The following PPP1R12B variants were observed in gnomAD, a reference collection of about 807,000 sequenced individuals.
The protein encoded by PPP1R12B is protein phosphatase 1 regulatory subunit 12B.
PPP1R12B carries 76 observed loss-of-function variants against 126.1 expected under a neutral mutation model. The observed-to-expected ratio is 0.60, with a 90% CI of 0.50 to 0.73. The LOEUF is 0.73. PPP1R12B is among the 30% of genes least tolerant of loss of function. PPP1R12B has a pLI of 0.00. For missense variants in PPP1R12B, 1,052 were observed against 1,205.1 expected (o/e 0.87, Z 1.88); for synonymous variants, 356 against 434.7 (o/e 0.82, Z 2.25).
intron 1 of PPP1R12B, among the ~76,000 whole-genome samples, chr1:202,353,828 A>G (rs1482219190): frequency 6.6e-6 from 1 of 151,992 alleles, no homozygotes; most frequent in South Asian, 2.1e-4. Flanking sequence ...GCCAGGGCTG[A>G]TCTTGAACTC....
chr1:202,428,051 T>TTC (rs1553281533), intron 5 of PPP1R12B, among the ~76,000 whole-genome samples: 1 of 151,688 alleles, frequency 6.6e-6, no homozygotes, highest in Non-Finnish European at 1.5e-5. Flanking sequence ...CTCAAGTGAT[T>TTC]CCCAGCCTTG....
Position 202,508,218 on chromosome 1 carries a change from T to C in PPP1R12B, c.2490+11396T>C, listed in dbSNP as rs1176044293. Among the ~76,000 whole-genome samples, 1 of 152,196 alleles carries C rather than the reference T, an allele frequency of 6.6e-6. No individual in the cohort carries two copies. The highest frequency in any genetic ancestry group is 6.5e-5 in the Admixed American group (1 of 15,270). ...GATAGCAGCCATTTAGTGACATGAA[T>C]CTCTTCGTAGAGAAACCATAGTTTT... On this transcript the variant is annotated intron_variant, in intron 18 of 23. Coordinates refer to ENST00000608999, the MANE Select transcript of PPP1R12B (RefSeq NM_002481.4). The surrounding 1 kb of genome is among the most constrained non-coding windows in gnomAD (Gnocchi z 4.5).
intron 18 of PPP1R12B, among the ~76,000 whole-genome samples, chr1:202,534,563 CTTT>C (rs34606007): frequency 4.6e-4 from 61 of 132,924 alleles, no homozygotes; most frequent in Middle Eastern, 7.5e-3. Context: ...CTAGCTTTCC[CTTT>C]TTTTTTTTTT....
At chr1:202,468,054 C>T (rs1029784105) in intron 13 of PPP1R12B, among the ~76,000 whole-genome samples, 11 of 152,152 alleles carry the variant, frequency 7.2e-5, no homozygotes, top group Admixed American at 1.3e-4. Flanking sequence ...ATCCTTTGCC[C>T]ACTTTTTGAT....
chr1:202,436,736 A>ATTT (rs1670871050), intron 9 of PPP1R12B, among the ~76,000 whole-genome samples: 7 of 152,220 alleles, frequency 4.6e-5, no homozygotes, highest in Admixed American at 3.9e-4. Context: ...TTCATTTTTA[A>ATTT]CAAAATTGTG....
rs71142528 is a variant in PPP1R12B, at chr1:202,381,434, G to GTGTGTGTGTGTGTGTGTGTGTGTGTA, written c.291+32295_291+32296insGTGTGTGTGTGTGTGTGTGTGTATGT. ...TGTGTGTGTGTGTGTGTGTGTGTGTGTGTATCATCCCTCAACTGCCTCCTC... is the reference window on the plus strand; with the variant it reads ...TGTGTGTGTGTGTGTGTGTGTGTGTGTGTGTGTGTGTGTGTGTGTGTGTGTATGTATCATCCCTCAACTGCCTCCTC... On this transcript the variant is annotated intron_variant, in intron 1 of 23. Transcript: ENST00000608999. Among the ~76,000 whole-genome samples, 1,032 of 131,176 alleles carry GTGTGTGTGTGTGTGTGTGTGTGTGTA rather than the reference G, an allele frequency of 7.9e-3. 48 individuals are homozygous for GTGTGTGTGTGTGTGTGTGTGTGTGTA. Among genetic ancestry groups the GTGTGTGTGTGTGTGTGTGTGTGTGTA allele is most frequent in the African/African-American group, 0.01 (344 of 33,354 alleles). The allele number at this position is 131,176 out of a possible 152,430, so 86.1% of individuals were successfully genotyped here.
Position 202,446,256 on chromosome 1 carries a change from A to ATATATATTT in PPP1R12B, c.1668-2732_1668-2731insATATATTTT, listed in dbSNP as rs376183502. 9.4e-4 allele frequency among the ~76,000 whole-genome samples: 51 copies of ATATATATTT among 54,334 alleles called. 1 individual carries two copies. Among genetic ancestry groups the ATATATATTT allele is most frequent in the East Asian group, 6.3e-3 (8 of 1,262 alleles). The allele number at this position is 54,334 out of a possible 152,430, so 35.6% of individuals were successfully genotyped here. A position where few individuals can be genotyped will look rare whatever the true frequency, so the allele number is the denominator to read the frequency against. Reference sequence around the variant, plus strand: ...TCTCTCTATATATATATATATATATATTTTTTTTTTTTTTTGAGATGGAAT... The same window carrying ATATATATTT: ...TCTCTCTATATATATATATATATATATATATATTTTTTTTTTTTTTTTTTGAGATGGAAT... On this transcript the variant is annotated intron_variant, in intron 12 of 23. Coordinates refer to ENST00000608999, the MANE Select transcript of PPP1R12B (RefSeq NM_002481.4).
chr1:202,541,773 A>G lies in PPP1R12B; in HGVS notation c.2491-17104A>G, dbSNP rs187500278. Among the ~76,000 whole-genome samples the G allele has an allele frequency of 2.7e-3, 407 of 152,248 alleles. 3 individuals carry two copies. Among genetic ancestry groups the G allele is most frequent in the African/African-American group, 8.9e-3 (369 of 41,528 alleles). ...TTCCTCTGCTTTCTTAGAGTTAGGT[A>G]CTGCTTTCGTCTTGTCTCACTTCTA... On this transcript the variant is annotated intron_variant, in intron 18 of 23. Transcript: ENST00000608999.
chr1:202,421,415 C>G (rs1244686831), intron 2 of PPP1R12B, among the ~76,000 whole-genome samples: 1 of 150,214 alleles, frequency 6.7e-6, no homozygotes, highest in Non-Finnish European at 1.5e-5. Context: ...GGCGGGCGGA[C>G]TACTTGAGGT....
chr1:202,397,296 C>T (rs556438182), intron 1 of PPP1R12B, among the ~76,000 whole-genome samples: 28 of 152,342 alleles, frequency 1.8e-4, no homozygotes, highest in African/African-American at 5.5e-4. Context: ...GCATCAACCA[C>T]TCTTTCTTGA....
intron 18 of PPP1R12B, among the ~76,000 whole-genome samples, chr1:202,526,975 T>C (rs758597700): frequency 1.1e-4 from 16 of 152,006 alleles, no homozygotes; most frequent in Non-Finnish European, 2.1e-4. Context: ...TGTTTAAGGT[T>C]AAAAAATTAG....
chr1:202,559,578 C>G (rs1687310622), intron 19 of PPP1R12B, among the ~76,000 whole-genome samples: 1 of 152,120 alleles, frequency 6.6e-6, no homozygotes, highest in African/African-American at 2.4e-5. Flanking sequence ...AAATAATAGA[C>G]TATAGAGCCA....
chr1:202,355,331 A>G (rs1435732100), intron 1 of PPP1R12B, among the ~76,000 whole-genome samples: 2 of 152,236 alleles, frequency 1.3e-5, no homozygotes, highest in Admixed American at 6.5e-5. Context: ...TCTGCCCTCA[A>G]GGAACTAACA....
intron 1 of PPP1R12B, 150 bp downstream of exon 1, chr1:202,349,292 G>C (rs1483989012): frequency 3.2e-6 from 3 of 925,958 alleles, no homozygotes; most frequent in South Asian, 1.6e-5. Context: ...TTCTTGGCCA[G>C]CTTCCTCCAC....
chr1:202,411,051 G>C (rs1667314889), intron 1 of PPP1R12B, among the ~76,000 whole-genome samples: 2 of 152,126 alleles, frequency 1.3e-5, no homozygotes, highest in African/African-American at 4.8e-5. Flanking sequence ...GTATGGTGTT[G>C]AAGTTCATGT....
At position 202,419,118 on chromosome 1, in the gene PPP1R12B, T is replaced by A. The variant is rs1668450200; in HGVS notation, c.422+2201T>A. Among the ~76,000 whole-genome samples, 1 of 152,220 alleles carries A rather than the reference T, an allele frequency of 6.6e-6. No homozygotes were observed. Among genetic ancestry groups the A allele is most frequent in the Non-Finnish European group, 1.5e-5 (1 of 68,036 alleles). On this transcript the variant is annotated intron_variant, in intron 2 of 23. Coordinates refer to ENST00000608999, the MANE Select transcript of PPP1R12B (RefSeq NM_002481.4). This position sits in a 1 kb window ranked among gnomAD's most constrained non-coding sequence, Gnocchi z 4.6. ...CAGGGAGCTTCAGAGGCTTTTTTCC[T>A]CATTTTAAAATGAGTTCAGGCTCAA...
chr1:202,433,395 T>C (rs1274085327), intron 8 of PPP1R12B, among the ~76,000 whole-genome samples: 1 of 152,200 alleles, frequency 6.6e-6, no homozygotes, highest in African/African-American at 2.4e-5. Flanking sequence ...GCTATTGGCA[T>C]AAACACCCAC....
rs1333003162 is a variant in PPP1R12B, at chr1:202,468,114, C to G, written c.1850+18943C>G. On this transcript the variant is annotated intron_variant, in intron 13 of 23. Coordinates refer to ENST00000608999, the MANE Select transcript of PPP1R12B (RefSeq NM_002481.4). The stretch of plus-strand genomic sequence containing the variant: ...AATTTGTTTGAGTTCGTTGTAGATT[C>G]TGGATATTAGCCCTTTGTCAGATGA... 2.6e-4 allele frequency among the ~76,000 whole-genome samples: 39 copies of G among 152,082 alleles called. 1 individual carries two copies. The highest frequency in any genetic ancestry group is 8.8e-5 in the Non-Finnish European group (6 of 68,024).
At position 202,565,332 on chromosome 1, in the gene PPP1R12B, C is replaced by T. The variant is rs1162498946; in HGVS notation, c.2757+785C>T. Among the ~76,000 whole-genome samples, 4 of 152,100 alleles carry T rather than the reference C, an allele frequency of 2.6e-5. No individual in the cohort carries two copies. The highest frequency in any genetic ancestry group is 2.1e-4 in the South Asian group (1 of 4,828). ...TAGAATGCCTGGGGACTTAGAATTT[C>T]GAAAGCTGAACTGAAGTAAAAATGA... On this transcript the variant is annotated intron_variant, in intron 21 of 23. Transcript: ENST00000608999. The surrounding 1 kb of genome is among the most constrained non-coding windows in gnomAD (Gnocchi z 4.3).
Sources: gnomAD v4.1 joint callset for allele counts (sites outside exome capture counted in the v4.1 genomes callset) on GRCh38, gnomAD v4.1.1 for gene constraint, Gnocchi (gnomAD v3.1) non-coding constraint, MANE v1.5 for transcripts, NCBI Gene and HGNC (gene_info 2026-07-23, HGNC 2026-07-21) for gene names.